Variants in DGKI observed in about 807,000 individuals in gnomAD.
The protein encoded by DGKI is DAG kinase iota.
DGKI carries 55 observed loss-of-function variants against 147.5 expected under a neutral mutation model. That is an observed-to-expected ratio of 0.37 (90% CI 0.30 to 0.47). The LOEUF is 0.47. Among genes scored for constraint, DGKI ranks in the 20% least tolerant of loss-of-function variants. DGKI has a pLI of 1.00. For synonymous variants in DGKI, 469 were observed against 477.1 expected (o/e 0.98, Z 0.22); for missense variants, 1,007 against 1,323.8 (o/e 0.76, Z 3.71).
At chr7:137,673,483 T>C (rs766080104) in intron 3 of DGKI, among the ~76,000 whole-genome samples, 6 of 152,158 alleles carry the variant, frequency 3.9e-5, no homozygotes, top group Non-Finnish European at 5.9e-5. Flanking sequence ...GATTAAAAGG[T>C]AAAATGGCAT....
At chr7:137,729,857 T>A (rs865969575) in intron 1 of DGKI, among the ~76,000 whole-genome samples, 1 of 152,090 alleles carries the variant, frequency 6.6e-6, no homozygotes, top group Admixed American at 6.5e-5. Context: ...CCTTAATGGT[T>A]CCATGTTCAC....
chr7:137,797,406 G>C (rs1797065333), intron 1 of DGKI, among the ~76,000 whole-genome samples: 2 of 152,092 alleles, frequency 1.3e-5, no homozygotes, highest in Admixed American at 1.3e-4. Flanking sequence ...ATGAAGGACA[G>C]TATTAATAAG....
chr7:137,431,000 C>T (rs1813049375), intron 28 of DGKI, among the ~76,000 whole-genome samples: 1 of 152,148 alleles, frequency 6.6e-6, no homozygotes, highest in Non-Finnish European at 1.5e-5. Context: ...ACTATATCCT[C>T]ACACAAGTCT....
At chr7:137,566,593 A>C (rs903356190) in intron 19 of DGKI, among the ~76,000 whole-genome samples, 1 of 152,200 alleles carries the variant, frequency 6.6e-6, no homozygotes, top group African/African-American at 2.4e-5. Flanking sequence ...ATGCTAGCTG[A>C]TGATGTATAT....
intron 8 of DGKI, among the ~76,000 whole-genome samples, chr7:137,616,884 A>G (rs1427814942): frequency 1.3e-5 from 2 of 152,068 alleles, no homozygotes; most frequent in East Asian, 3.8e-4. Context: ...TTTTCTAAAA[A>G]TCATAGCTAA....
intron 30 of DGKI, among the ~76,000 whole-genome samples, chr7:137,402,667 C>G (rs1281589766): frequency 6.6e-6 from 1 of 152,174 alleles, no homozygotes; most frequent in East Asian, 1.9e-4. Flanking sequence ...TTCCCATGGC[C>G]TCTCTCTGGG....
intron 1 of DGKI, among the ~76,000 whole-genome samples, chr7:137,748,067 T>C (rs1795396275): frequency 6.6e-6 from 1 of 152,166 alleles, no homozygotes; most frequent in Non-Finnish European, 1.5e-5. Flanking sequence ...ATTCAGGCTC[T>C]TCTGACTCTA....
chr7:137,696,596 G>A (rs1209844156), intron 1 of DGKI, among the ~76,000 whole-genome samples: 2 of 152,004 alleles, frequency 1.3e-5, no homozygotes, highest in Admixed American at 6.6e-5. Flanking sequence ...CGGGCTTGGC[G>A]TGGGATGTGG....
At chr7:137,442,466 C>T (rs1813548738) in intron 28 of DGKI, among the ~76,000 whole-genome samples, 1 of 152,142 alleles carries the variant, frequency 6.6e-6, no homozygotes, top group African/African-American at 2.4e-5. Flanking sequence ...AACCAAAAGT[C>T]ATTAAAGGGA....
In DGKI at chr7:137,585,863, G is replaced by A. The variant is rs575333445; in HGVS notation, c.1426-517C>T. ...TCTCACTGAGGAATGGCCCTGTTAG[G>A]GAGCTACTTAATCCTTGAAGATCCA... is the stretch of plus-strand genomic sequence containing the variant. On this transcript the variant is annotated intron_variant, in intron 13 of 32. Coordinates refer to ENST00000614521, the MANE Select transcript of DGKI (RefSeq NM_001321708.2). Among the ~76,000 whole-genome samples, 3 of 152,258 alleles carry A rather than the reference G, an allele frequency of 2.0e-5. No homozygotes were observed. The East Asian group carries it at 5.8e-4, about 29-fold the overall frequency.
At chr7:137,451,236 T>C (rs1244206501) in intron 27 of DGKI, among the ~76,000 whole-genome samples, 2 of 152,174 alleles carry the variant, frequency 1.3e-5, no homozygotes, top group East Asian at 3.8e-4. Flanking sequence ...CGGAGTGTTG[T>C]CATGGCAGTC....
chr7:137,752,296 A>G (rs951904590), intron 1 of DGKI, among the ~76,000 whole-genome samples: 3 of 152,176 alleles, frequency 2.0e-5, no homozygotes, highest in African/African-American at 7.2e-5. Context: ...CACAATCCCT[A>G]AAAAGGTATC....
intron 1 of DGKI, among the ~76,000 whole-genome samples, chr7:137,691,809 T>TTTTTTTTTTTTTTTTTTTTTG (rs1290595066): frequency 1.4e-5 from 2 of 141,012 alleles, no homozygotes; most frequent in African/African-American, 5.6e-5. Flanking sequence ...TTTTTTTTTT[T>TTTTTTTTTTTTTTTTTTTTTG]TTTTTTTTTT....
At chr7:137,589,228 A>C (rs1819524458) in intron 12 of DGKI, among the ~76,000 whole-genome samples, 1 of 152,250 alleles carries the variant, frequency 6.6e-6, no homozygotes. Flanking sequence ...TGTCAGAGTC[A>C]TGGTAACGTT....
intron 1 of DGKI, among the ~76,000 whole-genome samples, chr7:137,703,975 C>A (rs369626062): frequency 6.6e-6 from 1 of 152,274 alleles, no homozygotes; most frequent in East Asian, 1.9e-4. Flanking sequence ...CTTTGGGAGG[C>A]TAAGGCAGGC....
At chr7:137,401,235 A>C (rs1811745887) in intron 30 of DGKI, among the ~76,000 whole-genome samples, 1 of 152,126 alleles carries the variant, frequency 6.6e-6, no homozygotes, top group Non-Finnish European at 1.5e-5. Flanking sequence ...AACAAGAGAG[A>C]AAAAAATAAA....
chr7:137,511,131 C>T (rs916427430), intron 21 of DGKI, among the ~76,000 whole-genome samples: 3 of 152,218 alleles, frequency 2.0e-5, no homozygotes, highest in Admixed American at 2.0e-4. Flanking sequence ...TTCAGATTAG[C>T]TTACACTTCC....
intron 23 of DGKI, among the ~76,000 whole-genome samples, chr7:137,474,377 G>A (rs180951943): frequency 1.3e-5 from 2 of 152,208 alleles, no homozygotes; most frequent in African/African-American, 4.8e-5. Flanking sequence ...TTGACAATAT[G>A]CAAAATACAC....
chr7:137,724,359 T>G lies in DGKI; in HGVS notation c.402-34357A>C, dbSNP rs573049833. On this transcript the variant is annotated intron_variant, in intron 1 of 32. Transcript: ENST00000614521. ...AAATGATATGAACATCTTTATGTTT[T>G]CAAGGGTCACATTCGCTGGTATGTG... Among the ~76,000 whole-genome samples the G allele has an allele frequency of 2.0e-5, 3 of 152,328 alleles. No homozygotes were observed. The East Asian group carries it at 5.8e-4, about 29-fold the overall frequency.
Sources: gnomAD v4.1 joint callset for allele counts (sites outside exome capture counted in the v4.1 genomes callset) on GRCh38, gnomAD v4.1.1 for gene constraint, MANE v1.5 for transcripts, NCBI Gene and HGNC (gene_info 2026-07-23, HGNC 2026-07-21) for gene names.